Variants in RUSF1 observed in about 807,000 individuals in gnomAD.
The protein encoded by RUSF1 is RUS1 family protein C16orf58.
A neutral mutation model predicts 63.0 loss-of-function variants in RUSF1; 58 were observed. The ratio of observed to expected loss-of-function variants is 0.92; its 90% CI spans 0.75 to 1.15. The LOEUF is 1.15. RUSF1 is among the 50% of genes most tolerant of loss of function. The probability of loss-of-function intolerance (pLI) is 0.00; values close to 1 mark genes in which losing one functional copy is unlikely to be tolerated. For synonymous variants in RUSF1, 274 were observed against 255.8 expected (o/e 1.07, Z -0.68); for missense variants, 652 against 611.0 (o/e 1.07, Z -0.71).
chr16:31,499,958 G>C (rs1446226405), intron 3 of RUSF1, among the ~76,000 whole-genome samples: 2 of 152,148 alleles, frequency 1.3e-5, no homozygotes, highest in African/African-American at 4.8e-5. Context: ...AGCCCTCACA[G>C]GGGATATGAT....
At chr16:31,499,240 G>A (rs1186394891) in intron 5 of RUSF1, 62 bp downstream of exon 5, 2 of 1,438,058 alleles carry the variant, frequency 1.4e-6, no homozygotes, top group African/African-American at 2.8e-5. Flanking sequence ...CAGAGCCCAG[G>A]TAAACTCACA....
At chr16:31,492,134 CAG>C (rs776643964) in intron 11 of RUSF1, 48 bp from the exon 12 acceptor site, 16 of 1,613,606 alleles carry the variant, frequency 9.9e-6, no homozygotes, top group South Asian at 6.6e-5. Context: ...TCCAGCAGGA[CAG>C]AGTTTGTCCT....
At chr16:31,496,505 C>T (rs1430690627) in intron 6 of RUSF1, among the ~76,000 whole-genome samples, 1 of 152,192 alleles carries the variant, frequency 6.6e-6, no homozygotes, top group Non-Finnish European at 1.5e-5. Context: ...GAGTGGAGGC[C>T]CCAGCCAGTG....
At chr16:31,495,303 TGGGAAG>T (rs1477258907) in intron 6 of RUSF1, among the ~76,000 whole-genome samples, 1 of 152,050 alleles carries the variant, frequency 6.6e-6, no homozygotes, top group African/African-American at 2.4e-5. Context: ...CCAGCCCTCC[TGGGAAG>T]GGCATATGCT....
intron 2 of RUSF1, among the ~76,000 whole-genome samples, chr16:31,502,701 T>C (rs1441982270): frequency 6.6e-6 from 1 of 152,230 alleles, no homozygotes; most frequent in Non-Finnish European, 1.5e-5. Flanking sequence ...ACAAGGTGGA[T>C]TTACAGGCCT....
chr16:31,496,518 C>T (rs572268610), intron 6 of RUSF1, among the ~76,000 whole-genome samples: 222 of 152,320 alleles, frequency 1.5e-3, no homozygotes, highest in African/African-American at 5.2e-3. Context: ...AGCCAGTGAC[C>T]CAGCAACCCC....
chr16:31,502,681 G>GT (rs1304091534), intron 2 of RUSF1, among the ~76,000 whole-genome samples: 1 of 152,340 alleles, frequency 6.6e-6, no homozygotes, highest in East Asian at 1.9e-4. Context: ...GACTCTGGAA[G>GT]TAACACCCAA....
At chr16:31,503,176 T>C (rs2082641156) in intron 2 of RUSF1, among the ~76,000 whole-genome samples, 1 of 152,236 alleles carries the variant, frequency 6.6e-6, no homozygotes, top group Non-Finnish European at 1.5e-5. Flanking sequence ...TAGAAACATC[T>C]GAGTCCTAAT....
intron 2 of RUSF1, among the ~76,000 whole-genome samples, chr16:31,506,799 A>G (rs1226248337): frequency 6.6e-6 from 1 of 152,064 alleles, no homozygotes; most frequent in African/African-American, 2.4e-5. Flanking sequence ...TGGAAAAAAA[A>G]AAATAGAGAT....
At chr16:31,491,809 G>C (rs1352256981) in intron 12 of RUSF1, among the ~76,000 whole-genome samples, 200 bp downstream of exon 12, 1 of 151,020 alleles carries the variant, frequency 6.6e-6, no homozygotes, top group Admixed American at 6.6e-5. Flanking sequence ...ACAAGGATTT[G>C]CCATGTTGCC....
Position 31,490,628 on chromosome 16 carries a change from G to T in RUSF1, c.*207C>A. ...CCCCAGAAAAGGGGAAGGGGCAGTGGGGTGAGAAGGTCCTGGCTCCCCTTC... is the reference window on the plus strand; with the variant it reads ...CCCCAGAAAAGGGGAAGGGGCAGTGTGGTGAGAAGGTCCTGGCTCCCCTTC... On this transcript the variant is annotated 3_prime_UTR_variant, in exon 13 of 13. Coordinates refer to ENST00000327237, the MANE Select transcript of RUSF1 (RefSeq NM_022744.4). 8.4e-7 allele frequency: 1 copy of T among 1,188,590 alleles called. No individual in the cohort carries two copies. The highest frequency in any genetic ancestry group is 1.3e-5 in the South Asian group (1 of 77,700). 73.6% of individuals were successfully genotyped at this position (1,188,590 alleles called of 1,614,324 possible). A position where few individuals can be genotyped will look rare whatever the true frequency, so the allele number is the denominator to read the frequency against.
chr16:31,501,094 A>G (rs2082630945), intron 2 of RUSF1, among the ~76,000 whole-genome samples: 1 of 152,226 alleles, frequency 6.6e-6, no homozygotes. Context: ...AAAATAACTC[A>G]TGAAGACCAC....
At chr16:31,507,619 G>T (rs2082666882) in intron 2 of RUSF1, 145 bp downstream of exon 2, 1 of 729,974 alleles carries the variant, frequency 1.4e-6, no homozygotes, top group Non-Finnish European at 2.2e-6. Flanking sequence ...AGTAAGACTG[G>T]GTTACAAAGC....
intron 2 of RUSF1, among the ~76,000 whole-genome samples, chr16:31,503,723 C>T (rs922531486): frequency 5.9e-5 from 9 of 152,172 alleles, no homozygotes; most frequent in East Asian, 1.9e-4. Flanking sequence ...AGTGCAATGG[C>T]GCAATCTCGG....
At chr16:31,498,721 C>T (rs896257037) in intron 5 of RUSF1, among the ~76,000 whole-genome samples, 37 of 152,170 alleles carry the variant, frequency 2.4e-4, no homozygotes, top group African/African-American at 8.2e-4. Flanking sequence ...ATCTCCACCT[C>T]GCCTCCAGAC....
At position 31,508,161 on chromosome 16, in the gene RUSF1, G is replaced by T. The variant is rs765034246; in HGVS notation, c.213C>A (p.Ser71=). The T allele has an allele frequency of 6.3e-7, 1 of 1,582,890 alleles. No homozygotes were observed. The highest frequency in any genetic ancestry group is 8.6e-7 in the Non-Finnish European group (1 of 1,165,552). The change falls in exon 1 of 13, where the codon TCC becomes TCA. Residue 71 remains serine, a synonymous_variant. Transcript: ENST00000327237. The part of the protein sequence containing the change: ...GASGAPSPPL[S]GLQAVFLPQG... Reference sequence around the variant, plus strand: ...GAGGCAGGAACACGGCCTGGAGCCCGGAGAGGGGCGGTGAGGGGGCCCCGG... The same window carrying T: ...GAGGCAGGAACACGGCCTGGAGCCCTGAGAGGGGCGGTGAGGGGGCCCCGG...
chr16:31,491,329 T>C lies in RUSF1; in HGVS notation c.1310-397A>G, dbSNP rs1451075784. Reference sequence around the variant, plus strand: ...TTAGGATTGCAGAGAGAATCCATCTTTTTTTTTTTTTTGAGATGGGGTCTC... The same window carrying C: ...TTAGGATTGCAGAGAGAATCCATCTCTTTTTTTTTTTTGAGATGGGGTCTC... On this transcript the variant is annotated intron_variant, in intron 12 of 12. Transcript: ENST00000327237. Among the ~76,000 whole-genome samples, 8 of 147,304 alleles carry C rather than the reference T, an allele frequency of 5.4e-5. No individual in the cohort carries two copies. In the East Asian group the frequency reaches 1.4e-3, roughly 25 times the overall value.
Position 31,490,445 on chromosome 16 carries a change from C to T in RUSF1, c.*390G>A, listed in dbSNP as rs759427025. The T allele has an allele frequency of 6.2e-7, 1 of 1,613,914 alleles. No individual in the cohort carries two copies. Reference sequence around the variant, plus strand: ...CAGCAGCCAGGCGGCTGGAGGACATCAGCGAGGACCCGAGCTGGGCCCGTG... The same window carrying T: ...CAGCAGCCAGGCGGCTGGAGGACATTAGCGAGGACCCGAGCTGGGCCCGTG... On this transcript the variant is annotated 3_prime_UTR_variant, in exon 13 of 13. Transcript: ENST00000327237.
chr16:31,490,177 G>C lies in RUSF1; in HGVS notation c.*658C>G, dbSNP rs1303215089. On this transcript the variant is annotated 3_prime_UTR_variant, in exon 13 of 13. Transcript: ENST00000327237. Reference sequence around the variant, plus strand: ...GACCTGGATGCTGATGAGCAGCAAGGCTCCTCACTCCCTGTACAGAATGGG... The same window carrying C: ...GACCTGGATGCTGATGAGCAGCAAGCCTCCTCACTCCCTGTACAGAATGGG... The C allele has an allele frequency of 6.2e-7, 1 of 1,614,066 alleles. No individual in the cohort carries two copies. Among genetic ancestry groups the C allele is most frequent in the Non-Finnish European group, 8.5e-7 (1 of 1,180,046 alleles).
Sources: allele counts gnomAD v4.1 joint callset (sites outside exome capture counted in the v4.1 genomes callset), GRCh38; gene constraint gnomAD v4.1.1; transcripts MANE v1.5; gene names NCBI Gene and HGNC (gene_info 2026-07-23, HGNC 2026-07-21).